The following PAK1 variants were observed in gnomAD, a reference collection of about 807,000 sequenced individuals.
PAK1 encodes the protein serine/threonine-protein kinase PAK 1.
Under a neutral mutation model 67.4 loss-of-function variants are expected in PAK1, and 29 were observed. The observed-to-expected ratio is 0.43, with a 90% CI of 0.32 to 0.59. PAK1 has a LOEUF of 0.59. Among genes scored for constraint, PAK1 ranks in the 20% least tolerant of loss-of-function variants. The pLI is 0.07. For missense variants in PAK1, 337 were observed against 670.7 expected, an observed-to-expected ratio of 0.50 and a Z score of 5.50; for synonymous variants, 223 against 237.4, an observed-to-expected ratio of 0.94 and a Z score of 0.56.
the PAK1 span, among the ~76,000 whole-genome samples, chr11:77,481,742 T>C: frequency 1.1e-4 from 16 of 151,696 alleles, no homozygotes; most frequent in Admixed American, 3.3e-4. Context: ...TTTTATGCAA[T>C]GATAGTTTTT....
In PAK1 at chr11:77,325,315, A is replaced by T. The variant is rs753713004; in HGVS notation, c.1552-1955T>A. 10 of 1,613,732 alleles carry T rather than the reference A, an allele frequency of 6.2e-6. No homozygotes were observed. In the East Asian group the frequency reaches 2.2e-4, roughly 36 times the overall value. On this transcript the variant is annotated intron_variant, in intron 14 of 14. Coordinates refer to ENST00000356341, the MANE Select transcript of PAK1 (RefSeq NM_002576.5). The stretch of plus-strand genomic sequence containing the variant: ...AGAGCCAAACAGGCTGAAATCCTGG[A>T]TCTGCTACTTACCAGCTATCATGGA...
At chr11:77,476,310 G>C (rs894521482), upstream of PAK1, 1 of 152,154 alleles carries the variant, frequency 6.6e-6, no homozygotes, top group South Asian at 2.1e-4. Context: ...TTATTGATGC[G>C]GGAACTGAGG....
chr11:77,396,447 T>C (rs911740916), intron 1 of PAK1, among the ~76,000 whole-genome samples: 2 of 152,244 alleles, frequency 1.3e-5, no homozygotes, highest in Non-Finnish European at 2.9e-5. Flanking sequence ...CTGCTAGACA[T>C]AGACTATAAA....
intron 1 of PAK1, among the ~76,000 whole-genome samples, chr11:77,426,712 G>C (rs1051950318): frequency 3.3e-5 from 5 of 152,080 alleles, no homozygotes; most frequent in Non-Finnish European, 7.4e-5. Context: ...TTGTAGGTAA[G>C]TATACCTTGA....
intron 1 of PAK1, among the ~76,000 whole-genome samples, chr11:77,461,412 T>C (rs1957337846): frequency 6.6e-6 from 1 of 152,226 alleles, no homozygotes; most frequent in Non-Finnish European, 1.5e-5. Context: ...CTGGATGGAC[T>C]TCATCTAATC....
intron 9 of PAK1, among the ~76,000 whole-genome samples, chr11:77,348,558 G>T (rs1944769343): frequency 2.6e-5 from 4 of 152,168 alleles, no homozygotes; most frequent in South Asian, 2.1e-4. Flanking sequence ...ATCTCCTGTA[G>T]ATCAGATTTC....
chr11:77,343,610 A>G (rs1232860765), intron 10 of PAK1, among the ~76,000 whole-genome samples: 2 of 152,202 alleles, frequency 1.3e-5, no homozygotes, highest in African/African-American at 2.4e-5. Context: ...TAGAAGCTAC[A>G]CGGTGGTAGA....
At chr11:77,525,554 A>C in the PAK1 span, among the ~76,000 whole-genome samples, 4 of 152,192 alleles carry the variant, frequency 2.6e-5, no homozygotes, top group Admixed American at 1.3e-4. Flanking sequence ...GCCTTACATC[A>C]TGAATGACAT....
At chr11:77,339,612 G>A (rs1023249612) in intron 11 of PAK1, among the ~76,000 whole-genome samples, 22 of 151,648 alleles carry the variant, frequency 1.5e-4, no homozygotes, top group African/African-American at 5.3e-4. Context: ...TATTTTCTAG[G>A]GCAGTATTGA....
At chr11:77,512,234 C>T in the PAK1 span, among the ~76,000 whole-genome samples, 6 of 152,260 alleles carry the variant, frequency 3.9e-5, no homozygotes, top group East Asian at 1.2e-3. Context: ...GAAGCAGTTC[C>T]CCCTTTGTGG....
chr11:77,345,611 A>G (rs997920775), intron 9 of PAK1, among the ~76,000 whole-genome samples: 1 of 152,162 alleles, frequency 6.6e-6, no homozygotes, highest in Non-Finnish European at 1.5e-5. Flanking sequence ...TTTAGAATAG[A>G]AGTAATTCTG....
intron 14 of PAK1, among the ~76,000 whole-genome samples, chr11:77,332,163 C>A (rs1451575803): frequency 1.3e-5 from 2 of 149,202 alleles, no homozygotes; most frequent in African/African-American, 5.0e-5. Context: ...AAAAAACTAG[C>A]CAGGTATGGT....
intron 1 of PAK1, among the ~76,000 whole-genome samples, chr11:77,403,571 CCT>C (rs1386643017): frequency 6.6e-6 from 1 of 152,134 alleles, no homozygotes; most frequent in African/African-American, 2.4e-5. Flanking sequence ...GCCTTTTTTT[CCT>C]CTCTTTATCT....
chr11:77,432,834 A>T (rs1386650193), intron 1 of PAK1, among the ~76,000 whole-genome samples: 3 of 85,302 alleles, frequency 3.5e-5, no homozygotes, highest in Non-Finnish European at 3.4e-5. Flanking sequence ...AACTGAAATT[A>T]AAAAAAAAAA....
rs756375271 is a variant in PAK1 at position 77,374,361 on chromosome 11, C to T, written c.444G>A (p.Lys148=). ...NSQKYMSFTD[K]SAEDYNSSNA... Reference sequence around the variant, plus strand: ...TAGAAGAATTGTAATCCTCAGCTGACTTATCTGCACAGGAAGAAAAACAAG... The same window carrying T: ...TAGAAGAATTGTAATCCTCAGCTGATTTATCTGCACAGGAAGAAAAACAAG... The change falls in exon 5 of 15, where the codon AAG becomes AAA. Residue 148 remains lysine, a synonymous_variant. Coordinates refer to ENST00000356341, the MANE Select transcript of PAK1 (RefSeq NM_002576.5). The T allele has an allele frequency of 1.3e-6, 2 of 1,595,038 alleles. No individual in the cohort carries two copies. Among genetic ancestry groups the T allele is most frequent in the Admixed American group, 1.7e-5 (1 of 59,862 alleles).
At chr11:77,349,379 G>A in intron 8 of PAK1, 92 bp from the exon 9 acceptor site, 1 of 964,410 alleles carries the variant, frequency 1.0e-6, no homozygotes, top group Non-Finnish European at 1.6e-6. Context: ...CAATCTGTGA[G>A]TGTCAAAAAC....
chr11:77,426,741 A>C (rs1334051501), intron 1 of PAK1, among the ~76,000 whole-genome samples: 1 of 152,124 alleles, frequency 6.6e-6, no homozygotes, highest in African/African-American at 2.4e-5. Flanking sequence ...CTGTGGAGGC[A>C]AAAATTGAAT....
intron 1 of PAK1, among the ~76,000 whole-genome samples, chr11:77,419,219 A>C (rs1478465514): frequency 2.6e-5 from 4 of 152,238 alleles, no homozygotes; most frequent in Non-Finnish European, 4.4e-5. Context: ...AATGAGGTAA[A>C]AGCAACTTTA....
At chr11:77,356,161 G>A in intron 6 of PAK1, 1 of 198,624 alleles carries the variant, frequency 5.0e-6, no homozygotes, top group East Asian at 1.0e-4. Flanking sequence ...AATATTTTAT[G>A]CTTCCCCAAG....
Sources: gnomAD v4.1 joint callset for allele counts (sites outside exome capture counted in the v4.1 genomes callset) on GRCh38, gnomAD v4.1.1 for gene constraint, MANE v1.5 for transcripts, NCBI Gene and HGNC (gene_info 2026-07-23, HGNC 2026-07-21) for gene names.